Variants in RBM47 observed in about 807,000 individuals in gnomAD.
RBM47 encodes the protein RNA binding motif protein 47.
A neutral mutation model predicts 47.1 loss-of-function variants in RBM47; 21 were observed. That is an observed-to-expected ratio of 0.45 (90% CI 0.32 to 0.64). The LOEUF is 0.64. RBM47 is among the 30% of genes least tolerant of loss of function. The pLI is 0.05. For synonymous variants in RBM47, 375 were observed against 361.7 expected (o/e 1.04, Z -0.42); for missense variants, 708 against 870.9 (o/e 0.81, Z 2.35).
At chr4:40,440,037 A>G (rs1713382775) in intron 3 of RBM47, among the ~76,000 whole-genome samples, 1 of 152,198 alleles carries the variant, frequency 6.6e-6, no homozygotes, top group Non-Finnish European at 1.5e-5. Context: ...CTTCACTTAT[A>G]TGGCCAAGGG....
intron 2 of RBM47, among the ~76,000 whole-genome samples, chr4:40,469,617 CCAG>C (rs1360893228): frequency 6.7e-6 from 1 of 149,902 alleles, no homozygotes; most frequent in African/African-American, 2.5e-5. Flanking sequence ...GAGGCCGAGG[CCAG>C]CAGATCAAAT....
chr4:40,602,434 G>A (rs1383046165), intron 1 of RBM47, among the ~76,000 whole-genome samples: 1 of 151,566 alleles, frequency 6.6e-6, no homozygotes, highest in Non-Finnish European at 1.5e-5. Context: ...CAGATCATGA[G>A]GTCAAGATAT....
At chr4:40,622,071 T>C (rs1048827236) in intron 1 of RBM47, among the ~76,000 whole-genome samples, 3 of 152,248 alleles carry the variant, frequency 2.0e-5, no homozygotes, top group Non-Finnish European at 2.9e-5. Context: ...GTCTTATTCA[T>C]TTATTCAACA....
intron 2 of RBM47, among the ~76,000 whole-genome samples, chr4:40,532,309 ATTTTTTTTTTTTT>A (rs34850081): frequency 1.5e-5 from 1 of 65,780 alleles, no homozygotes; most frequent in African/African-American, 6.3e-5. Flanking sequence ...CACGCCCGGC[ATTTTTTTTTTTTT>A]TTTTTTTTTG....
At chr4:40,478,795 G>T (rs538456424) in intron 2 of RBM47, among the ~76,000 whole-genome samples, 1 of 152,286 alleles carries the variant, frequency 6.6e-6, no homozygotes, top group African/African-American at 2.4e-5. Flanking sequence ...CTACTTTTTA[G>T]TTTAATTATC....
In RBM47 at chr4:40,423,650, CTTTT is replaced by C. The variant is rs1193309051; in HGVS notation, c.*2250_*2253del. 5.3e-4 allele frequency: 72 copies of C among 135,012 alleles called. No individual in the cohort carries two copies. Among genetic ancestry groups the C allele is most frequent in the Middle Eastern group, 3.6e-3 (1 of 276 alleles). The allele number at this position is 135,012 out of a possible 1,614,324, so 8.4% of individuals were successfully genotyped here. A position where few individuals can be genotyped will look rare whatever the true frequency, so the allele number is the denominator to read the frequency against. ...TATCATTTTTTTTTATTCTTTCTTT[CTTTT>C]TCTTTCTTTCTTTCTTTCTTTCTTT... On this transcript the variant is annotated 3_prime_UTR_variant, in exon 7 of 7. Coordinates refer to ENST00000295971, the MANE Select transcript of RBM47 (RefSeq NM_001098634.2).
Position 40,438,669 on chromosome 4 carries a change from C to A in RBM47, c.225G>T (p.Val75=). ...CGTACACGTCGCGCGGGATCTTGCCCACGAAGACCTCGCAGCCACGCTGCG... is the reference window on the plus strand; with the variant it reads ...CGTACACGTCGCGCGGGATCTTGCCAACGAAGACCTCGCAGCCACGCTGCG... ...PHPQRGCEVF[V]GKIPRDVYED... Residue 75 remains valine, a synonymous_variant, in exon 4 of 7, where the codon GTG becomes GTT. Coordinates refer to ENST00000295971, the MANE Select transcript of RBM47 (RefSeq NM_001098634.2). 2 of 1,612,230 alleles carry A rather than the reference C, an allele frequency of 1.2e-6. No homozygotes were observed. The highest frequency in any genetic ancestry group is 1.7e-6 in the Non-Finnish European group (2 of 1,179,092).
intron 3 of RBM47, among the ~76,000 whole-genome samples, chr4:40,442,925 C>T (rs549155836): frequency 3.9e-5 from 6 of 152,140 alleles, no homozygotes; most frequent in Non-Finnish European, 7.3e-5. Flanking sequence ...CTGCCCGCCT[C>T]GGTCTCCCAA....
intron 2 of RBM47, among the ~76,000 whole-genome samples, chr4:40,511,502 A>G (rs1376685792): frequency 6.6e-6 from 1 of 152,250 alleles, no homozygotes; most frequent in Non-Finnish European, 1.5e-5. Flanking sequence ...GTTTAATAGC[A>G]GCAGAGTCTA....
Position 40,426,009 on chromosome 4 carries a change from C to T in RBM47, c.1677G>A (p.Ala559=), listed in dbSNP as rs774212981. 120 of 1,614,026 alleles carry T rather than the reference C, an allele frequency of 7.4e-5. No homozygotes were observed. The highest frequency in any genetic ancestry group is 1.7e-4 in the Admixed American group (10 of 60,000). ...CTCCATACATGGCGGCCGCGGCTGCCGCGTTCTTCTGTAGTGTGGCGATCG... is the reference window on the plus strand; with the variant it reads ...CTCCATACATGGCGGCCGCGGCTGCTGCGTTCTTCTGTAGTGTGGCGATCG... ...TATIATLQKN[A]AAAAAMYGGY... The change falls in exon 7 of 7, where the codon GCG becomes GCA. Residue 559 remains alanine, a synonymous_variant. Coordinates refer to ENST00000295971, the MANE Select transcript of RBM47 (RefSeq NM_001098634.2).
At chr4:40,445,821 A>C (rs1016727746) in intron 3 of RBM47, among the ~76,000 whole-genome samples, 1 of 152,220 alleles carries the variant, frequency 6.6e-6, no homozygotes, top group Non-Finnish European at 1.5e-5. Flanking sequence ...CTGAATGTTG[A>C]GATTCTTGCT....
In RBM47 at chr4:40,425,986, C is replaced by T. The variant is rs754988782; in HGVS notation, c.1700G>A (p.Gly567Glu). Residue 567 changes from glycine to glutamate, a missense_variant, in exon 7 of 7, where the codon GGA (glycine) becomes GAA (glutamate). Gly to Glu is a moderately conservative substitution (Grantham distance 98). Coordinates refer to ENST00000295971, the MANE Select transcript of RBM47 (RefSeq NM_001098634.2). ...CTGAGGTATGTAGCCTGCGTATCCT[C>T]CATACATGGCGGCCGCGGCTGCCGC... ...KNAAAAAAMY[G>E]GYAGYIPQAF... 4 of 1,614,108 alleles carry T rather than the reference C, an allele frequency of 2.5e-6. No homozygotes were observed. Among genetic ancestry groups the T allele is most frequent in the Non-Finnish European group, 2.5e-6 (3 of 1,180,038 alleles).
chr4:40,617,858 T>C (rs904457823), intron 1 of RBM47, among the ~76,000 whole-genome samples: 3 of 152,082 alleles, frequency 2.0e-5, no homozygotes, highest in Admixed American at 6.6e-5. Flanking sequence ...CATTATTTTG[T>C]CATTTGTGGT....
At position 40,432,675 on chromosome 4, in the gene RBM47, A is replaced by G. The variant is rs1362796115; in HGVS notation, c.1518T>C (p.Thr506=). Residue 506 remains threonine, a synonymous_variant, in exon 6 of 7, where the codon ACT becomes ACC. Transcript: ENST00000295971. Reference sequence around the variant, plus strand: ...CCTGGAAAGGTGGTGGCGTCGACACAGTGGGAATGACAGCGGCTGCGGCGG... The same window carrying G: ...CCTGGAAAGGTGGTGGCGTCGACACGGTGGGAATGACAGCGGCTGCGGCGG... ...AAAAAAAVIP[T]VSTPPPFQGR... 1.2e-6 allele frequency: 2 copies of G among 1,610,416 alleles called. No individual in the cohort carries two copies. The highest frequency in any genetic ancestry group is 4.5e-5 in the East Asian group (2 of 44,858).
At chr4:40,470,268 C>T (rs1718658800) in intron 2 of RBM47, among the ~76,000 whole-genome samples, 1 of 152,138 alleles carries the variant, frequency 6.6e-6, no homozygotes, top group Non-Finnish European at 1.5e-5. Context: ...TCACTCACCC[C>T]ATCATGGAGT....
At chr4:40,486,069 CAAAAAAAAAAAAA>C (rs201408070) in intron 2 of RBM47, among the ~76,000 whole-genome samples, 3,664 of 62,894 alleles carry the variant, frequency 0.058, 128 homozygotes, top group African/African-American at 0.13. Flanking sequence ...AACCCTGTTT[CAAAAAAAAAAAAA>C]AAAAAAAAAA....
intron 3 of RBM47, among the ~76,000 whole-genome samples, chr4:40,464,428 CAAT>C (rs1328826364): frequency 1.3e-5 from 2 of 151,996 alleles, no homozygotes; most frequent in Non-Finnish European, 2.9e-5. Context: ...TTAACAACAA[CAAT>C]AATAAAATGT....
chr4:40,534,121 C>A (rs1314274607), intron 2 of RBM47, among the ~76,000 whole-genome samples: 1 of 151,314 alleles, frequency 6.6e-6, no homozygotes, highest in Non-Finnish European at 1.5e-5. Context: ...TGGCGCCTGG[C>A]TAATATTTTT....
At chr4:40,463,249 A>G (rs1428123151) in intron 3 of RBM47, among the ~76,000 whole-genome samples, 1 of 152,234 alleles carries the variant, frequency 6.6e-6, no homozygotes. Flanking sequence ...AGACACACAG[A>G]TGCCCCTTAA....
Sources: allele counts gnomAD v4.1 joint callset (sites outside exome capture counted in the v4.1 genomes callset), GRCh38; gene constraint gnomAD v4.1.1; transcripts MANE v1.5; gene names NCBI Gene and HGNC (gene_info 2026-07-23, HGNC 2026-07-21).